Variants in AFG2A observed in about 807,000 individuals in gnomAD.
The protein encoded by AFG2A is AAA ATPase AFG2A.
the AFG2A span, among the ~76,000 whole-genome samples, chr4:122,982,176 G>T: frequency 6.6e-6 from 1 of 152,040 alleles, no homozygotes; most frequent in Non-Finnish European, 1.5e-5. Flanking sequence ...GATACATTCT[G>T]TCTAATGTAT....
the AFG2A span, among the ~76,000 whole-genome samples, chr4:123,177,893 T>A: frequency 6.6e-6 from 1 of 152,242 alleles, no homozygotes; most frequent in Admixed American, 6.5e-5. Flanking sequence ...TGTGTCTTAC[T>A]GTTCTCTTTC....
the AFG2A span, chr4:123,256,794 AT>A: frequency 1.0e-6 from 1 of 984,722 alleles, no homozygotes. Flanking sequence ...ACTTTTATGT[AT>A]GGCAGATTAA....
chr4:123,117,506 A>G, the AFG2A span, among the ~76,000 whole-genome samples: 2 of 150,430 alleles, frequency 1.3e-5, no homozygotes, highest in African/African-American at 4.9e-5. Context: ...CATATAACCT[A>G]TAAACATATT....
chr4:123,160,110 A>C, the AFG2A span, among the ~76,000 whole-genome samples: 30 of 151,990 alleles, frequency 2.0e-4, no homozygotes, highest in Non-Finnish European at 3.2e-4. Flanking sequence ...TATTTTACCA[A>C]GTTGTGCTAC....
the AFG2A span, among the ~76,000 whole-genome samples, chr4:122,925,455 A>G: frequency 1.3e-5 from 2 of 152,108 alleles, no homozygotes; most frequent in South Asian, 2.1e-4. Flanking sequence ...CTATTGCACT[A>G]TTGTCCTGGG....
the AFG2A span, among the ~76,000 whole-genome samples, chr4:123,168,648 G>T: frequency 6.6e-6 from 1 of 152,084 alleles, no homozygotes; most frequent in South Asian, 2.1e-4. Flanking sequence ...GAATATTTCA[G>T]ATATATTAGT....
At chr4:123,222,755 A>G in the AFG2A span, among the ~76,000 whole-genome samples, 1 of 152,088 alleles carries the variant, frequency 6.6e-6, no homozygotes, top group African/African-American at 2.4e-5. Flanking sequence ...GAATTTATCT[A>G]TTTTAGATAC....
At chr4:122,967,073 C>T in the AFG2A span, among the ~76,000 whole-genome samples, 6 of 152,254 alleles carry the variant, frequency 3.9e-5, no homozygotes, top group Admixed American at 2.6e-4. Context: ...AATACAAGAA[C>T]AGGGGTTCCA....
At chr4:123,103,779 C>T in the AFG2A span, among the ~76,000 whole-genome samples, 1 of 152,000 alleles carries the variant, frequency 6.6e-6, no homozygotes, top group Non-Finnish European at 1.5e-5. Flanking sequence ...AAATAAGTTG[C>T]AACATGTCCA....
chr4:123,215,096 T>C, the AFG2A span, among the ~76,000 whole-genome samples: 3 of 152,118 alleles, frequency 2.0e-5, no homozygotes, highest in African/African-American at 7.2e-5. Flanking sequence ...CAAAATAATA[T>C]CATGTTGATA....
At chr4:123,113,720 C>T in the AFG2A span, among the ~76,000 whole-genome samples, 2 of 152,216 alleles carry the variant, frequency 1.3e-5, no homozygotes, top group Admixed American at 6.5e-5. Flanking sequence ...TTCTGACCAG[C>T]AACCTCTGTG....
At chr4:123,275,470 A>G in the AFG2A span, among the ~76,000 whole-genome samples, 9 of 152,080 alleles carry the variant, frequency 5.9e-5, no homozygotes, top group Non-Finnish European at 1.0e-4. Flanking sequence ...CTTAACTGAC[A>G]TATGCCTTGG....
At chr4:123,190,343 C>T in the AFG2A span, among the ~76,000 whole-genome samples, 1 of 152,172 alleles carries the variant, frequency 6.6e-6, no homozygotes, top group East Asian at 1.9e-4. Flanking sequence ...ACATATGTGT[C>T]ACATTTTGTT....
chr4:123,067,592 A>G, the AFG2A span, among the ~76,000 whole-genome samples: 1 of 93,134 alleles, frequency 1.1e-5, no homozygotes, highest in Non-Finnish European at 2.1e-5. Context: ...TATGATATTT[A>G]AAATGTATAC....
At chr4:123,311,905 T>C in the AFG2A span, among the ~76,000 whole-genome samples, 8 of 152,216 alleles carry the variant, frequency 5.3e-5, no homozygotes, top group African/African-American at 1.9e-4. Context: ...GACAATTGGT[T>C]CCCTTCCTCG....
the AFG2A span, among the ~76,000 whole-genome samples, chr4:123,308,923 T>C: frequency 0.69 from 104,585 of 151,674 alleles, 38,184 homozygotes; most frequent in Non-Finnish European, 0.81. Context: ...GCCTTCCTTC[T>C]GTCTCTCATG....
chr4:123,300,592 T>TG, the AFG2A span, among the ~76,000 whole-genome samples: 1 of 152,162 alleles, frequency 6.6e-6, no homozygotes, highest in African/African-American at 2.4e-5. Flanking sequence ...TTATCAAACA[T>TG]CAACACCTGT....
chr4:123,044,303 C>T, the AFG2A span, among the ~76,000 whole-genome samples: 3 of 152,244 alleles, frequency 2.0e-5, no homozygotes, highest in South Asian at 2.1e-4. Flanking sequence ...TTATCTTCTT[C>T]AATTAGGGAA....
the AFG2A span, among the ~76,000 whole-genome samples, chr4:123,192,029 CT>C: frequency 4.1e-3 from 604 of 145,616 alleles, no homozygotes; most frequent in Middle Eastern, 0.039. Flanking sequence ...GTCTTTTCTT[CT>C]TTTTTTTTTT....
Sources: gnomAD v4.1 joint callset for allele counts (sites outside exome capture counted in the v4.1 genomes callset) on GRCh38, gnomAD v4.1.1 for gene constraint, MANE v1.5 for transcripts, NCBI Gene and HGNC (gene_info 2026-07-23, HGNC 2026-07-21) for gene names.